LRRC4C: variants seen among roughly 807,000 people sequenced by gnomAD.
LRRC4C encodes the protein leucine rich repeat containing 4C, also known as leucine-rich repeat-containing protein 4C.
A neutral mutation model predicts 33.6 loss-of-function variants in LRRC4C; 5 were observed. That is an observed-to-expected ratio of 0.15 (90% CI 0.08 to 0.31). The LOEUF is 0.31. Ranked by LOEUF, LRRC4C falls within the 10% of genes least tolerant of loss-of-function variation. The probability of loss-of-function intolerance (pLI) is 1.00; values close to 1 mark genes in which losing one functional copy is unlikely to be tolerated. For synonymous variants in LRRC4C, 329 were observed against 302.0 expected (o/e 1.09, Z -0.93); for missense variants, 560 against 796.7 (o/e 0.70, Z 3.58).
chr11:41,110,424 G>T (rs1388496294), intron 1 of LRRC4C, among the ~76,000 whole-genome samples: 1 of 151,928 alleles, frequency 6.6e-6, no homozygotes, highest in Non-Finnish European at 1.5e-5. Context: ...TCTTAAAAAT[G>T]AGTAAACTAA....
chr11:40,692,873 T>A (rs1945289888), intron 2 of LRRC4C, among the ~76,000 whole-genome samples: 1 of 152,068 alleles, frequency 6.6e-6, no homozygotes, highest in Non-Finnish European at 1.5e-5. Context: ...AAGAACCTTA[T>A]CTATGAACCC....
intron 3 of LRRC4C, among the ~76,000 whole-genome samples, chr11:40,466,265 G>A (rs552812464): frequency 4.6e-4 from 70 of 152,104 alleles, no homozygotes; most frequent in African/African-American, 1.6e-3. Flanking sequence ...AGTTACAAAT[G>A]TGGGAGAATG....
At chr11:41,090,301 G>A (rs559324836) in intron 1 of LRRC4C, among the ~76,000 whole-genome samples, 1 of 152,168 alleles carries the variant, frequency 6.6e-6, no homozygotes, top group African/African-American at 2.4e-5. Context: ...ACATCATGGT[G>A]TTCACATCTC....
intron 2 of LRRC4C, among the ~76,000 whole-genome samples, chr11:40,885,003 AG>A (rs1184192826): frequency 6.6e-6 from 1 of 151,970 alleles, no homozygotes; most frequent in Admixed American, 6.6e-5. Context: ...GAAAGGAGTG[AG>A]GGATGAAAAA....
At chr11:40,836,225 G>T (rs1017800799) in intron 2 of LRRC4C, among the ~76,000 whole-genome samples, 3 of 152,092 alleles carry the variant, frequency 2.0e-5, no homozygotes, top group African/African-American at 7.2e-5. Flanking sequence ...CCTGTTACAG[G>T]AAGGTGTAAG....
intron 6 of LRRC4C, among the ~76,000 whole-genome samples, chr11:40,121,687 G>C (rs1303327255): frequency 6.6e-6 from 1 of 152,164 alleles, no homozygotes; most frequent in Admixed American, 6.5e-5. Flanking sequence ...AGTGCACTGA[G>C]AGCTGCAGTG....
At chr11:40,980,405 C>T (rs765914631) in intron 1 of LRRC4C, among the ~76,000 whole-genome samples, 1 of 152,078 alleles carries the variant, frequency 6.6e-6, no homozygotes, top group Non-Finnish European at 1.5e-5. Context: ...ATGTCTAGAA[C>T]GAATTCAATT....
intron 1 of LRRC4C, among the ~76,000 whole-genome samples, chr11:41,434,735 G>C (rs1026588774): frequency 6.6e-6 from 1 of 152,116 alleles, no homozygotes; most frequent in East Asian, 1.9e-4. Context: ...TCCTGCTTGG[G>C]AAGTCCACAG....
At chr11:40,367,903 G>C (rs929781822) in intron 3 of LRRC4C, among the ~76,000 whole-genome samples, 1 of 151,680 alleles carries the variant, frequency 6.6e-6, no homozygotes, top group African/African-American at 2.4e-5. Flanking sequence ...ATTTATATAT[G>C]TTCCAGTCTT....
rs928398374 is a variant in LRRC4C, at chr11:40,326,511, A to G, written c.-269-6790T>C. Among the ~76,000 whole-genome samples, 6 of 151,738 alleles carry G rather than the reference A, an allele frequency of 4.0e-5. No individual in the cohort carries two copies. In the East Asian group the frequency reaches 7.8e-4, roughly 20 times the overall value. ...GGGAGGCAGAAGTTGTAGTGAGCCAAGATCATGCCACTGCACTCCAGGCAA... is the reference window on the plus strand; with the variant it reads ...GGGAGGCAGAAGTTGTAGTGAGCCAGGATCATGCCACTGCACTCCAGGCAA... On this transcript the variant is annotated intron_variant, in intron 3 of 6. Coordinates refer to ENST00000528697, the MANE Select transcript of LRRC4C (RefSeq NM_001258419.2).
At chr11:40,563,521 T>G (rs893118773) in intron 3 of LRRC4C, among the ~76,000 whole-genome samples, 3 of 152,092 alleles carry the variant, frequency 2.0e-5, no homozygotes, top group Admixed American at 2.0e-4. Flanking sequence ...AATAAACAGT[T>G]AAAGGCTAAG....
intron 1 of LRRC4C, among the ~76,000 whole-genome samples, chr11:41,209,567 C>G (rs1021425919): frequency 3.3e-5 from 5 of 151,438 alleles, no homozygotes; most frequent in Non-Finnish European, 7.4e-5. Flanking sequence ...ATCCCTTGAA[C>G]CTGGGAGGCT....
At chr11:41,179,743 CTGT>C (rs1458381691) in intron 1 of LRRC4C, among the ~76,000 whole-genome samples, 1 of 152,130 alleles carries the variant, frequency 6.6e-6, no homozygotes, top group African/African-American at 2.4e-5. Context: ...GAAATCTGAA[CTGT>C]TAAGTAAGCT....
At chr11:40,274,625 G>C (rs574284783) in intron 4 of LRRC4C, among the ~76,000 whole-genome samples, 3 of 152,076 alleles carry the variant, frequency 2.0e-5, no homozygotes, top group Non-Finnish European at 4.4e-5. Flanking sequence ...CTAGAAAAAT[G>C]TATTTCCATT....
chr11:41,109,234 T>C (rs1367437709), intron 1 of LRRC4C, among the ~76,000 whole-genome samples: 1 of 152,028 alleles, frequency 6.6e-6, no homozygotes, highest in Non-Finnish European at 1.5e-5. Context: ...ATTGATTATG[T>C]TAGGAAAGGT....
chr11:40,773,077 T>C (rs1949828517), intron 2 of LRRC4C, among the ~76,000 whole-genome samples: 1 of 152,156 alleles, frequency 6.6e-6, no homozygotes, highest in Non-Finnish European at 1.5e-5. Flanking sequence ...GAGAACATTA[T>C]GTTAAGTGAA....
At chr11:41,106,070 C>T (rs1565388449) in intron 1 of LRRC4C, among the ~76,000 whole-genome samples, 1 of 152,062 alleles carries the variant, frequency 6.6e-6, no homozygotes, top group Non-Finnish European at 1.5e-5. Flanking sequence ...ATCTTAACTG[C>T]ATGGAAACAG....
At chr11:40,389,172 G>T (rs897588905) in intron 3 of LRRC4C, among the ~76,000 whole-genome samples, 2 of 152,080 alleles carry the variant, frequency 1.3e-5, no homozygotes, top group African/African-American at 4.8e-5. Flanking sequence ...GAGGAATTTT[G>T]AAAGGAGATA....
chr11:40,623,981 C>G (rs1312711915), intron 3 of LRRC4C, among the ~76,000 whole-genome samples: 1 of 152,036 alleles, frequency 6.6e-6, no homozygotes, highest in Non-Finnish European at 1.5e-5. Context: ...CAAAAATCTG[C>G]CTGTGTGTGC....
Sources: allele counts gnomAD v4.1 joint callset (sites outside exome capture counted in the v4.1 genomes callset), GRCh38; gene constraint gnomAD v4.1.1; transcripts MANE v1.5; gene names NCBI Gene and HGNC (gene_info 2026-07-23, HGNC 2026-07-21).